The following WWP1 variants were observed in gnomAD, a reference collection of about 807,000 sequenced individuals.
The protein encoded by WWP1 is NEDD4-like E3 ubiquitin-protein ligase WWP1.
Under a neutral mutation model 130.6 loss-of-function variants are expected in WWP1, and 49 were observed. That is an observed-to-expected ratio of 0.38 (90% CI 0.30 to 0.48). The LOEUF is 0.48. Ranked by LOEUF, WWP1 falls within the 20% of genes least tolerant of loss-of-function variation. The pLI, the probability that WWP1 is intolerant of heterozygous loss-of-function variation, is 0.99. For synonymous variants in WWP1, 332 were observed against 367.8 expected (o/e 0.90, Z 1.11); for missense variants, 809 against 1,100.6 (o/e 0.74, Z 3.75).
intron 9 of WWP1, among the ~76,000 whole-genome samples, chr8:86,413,874 C>G (rs1417812123): frequency 6.6e-6 from 1 of 152,126 alleles, no homozygotes; most frequent in African/African-American, 2.4e-5. Context: ...TTATTAAGAT[C>G]ATTTTTGCAG....
At chr8:86,355,158 C>T (rs1172996475) in intron 1 of WWP1, among the ~76,000 whole-genome samples, 1 of 152,118 alleles carries the variant, frequency 6.6e-6, no homozygotes, top group Non-Finnish European at 1.5e-5. Flanking sequence ...TAGGACATCT[C>T]CATGGCTGCT....
chr8:86,389,440 A>G (rs1204490213), intron 5 of WWP1, among the ~76,000 whole-genome samples: 2 of 152,218 alleles, frequency 1.3e-5, no homozygotes, highest in Non-Finnish European at 2.9e-5. Context: ...CTGAGTGGAT[A>G]CAGCACATGT....
At chr8:86,453,720 G>GT (rs1811294840) in intron 21 of WWP1, among the ~76,000 whole-genome samples, 2 of 151,784 alleles carry the variant, frequency 1.3e-5, no homozygotes, top group Non-Finnish European at 2.9e-5. Flanking sequence ...TCTTGTTTTG[G>GT]TTTTTTGCTT....
chr8:86,445,388 AT>A (rs1810807972), intron 18 of WWP1, among the ~76,000 whole-genome samples: 1 of 152,008 alleles, frequency 6.6e-6, no homozygotes, highest in African/African-American at 2.4e-5. Flanking sequence ...TTTCCCATCT[AT>A]TTATGTCCAT....
At chr8:86,362,669 G>A (rs575204716) in intron 1 of WWP1, among the ~76,000 whole-genome samples, 5 of 152,242 alleles carry the variant, frequency 3.3e-5, no homozygotes, top group East Asian at 1.9e-4. Context: ...GGGAGGAGAA[G>A]GGAGGGAAGG....
At chr8:86,442,167 A>G (rs556063353) in intron 17 of WWP1, 1 of 153,002 alleles carries the variant, frequency 6.5e-6, no homozygotes, top group South Asian at 2.1e-4. Context: ...AAAAAAATAC[A>G]TGGCTTTTGC....
intron 1 of WWP1, among the ~76,000 whole-genome samples, chr8:86,355,691 C>T (rs1435185488): frequency 6.6e-6 from 1 of 152,104 alleles, no homozygotes; most frequent in Non-Finnish European, 1.5e-5. Context: ...TGTGCTTATA[C>T]TTTTACACAC....
At chr8:86,381,270 C>T (rs903687450) in intron 4 of WWP1, among the ~76,000 whole-genome samples, 5 of 152,098 alleles carry the variant, frequency 3.3e-5, no homozygotes, top group Admixed American at 2.6e-4. Context: ...GGTGTTTTGG[C>T]TTGCTGATTC....
At chr8:86,459,432 TA>T (rs1811640886) in intron 22 of WWP1, among the ~76,000 whole-genome samples, 1 of 152,190 alleles carries the variant, frequency 6.6e-6, no homozygotes, top group African/African-American at 2.4e-5. Flanking sequence ...AACCAATGTG[TA>T]TAATATGGTG....
chr8:86,401,779 G>T (rs551125537), intron 7 of WWP1, among the ~76,000 whole-genome samples: 5 of 151,998 alleles, frequency 3.3e-5, no homozygotes, highest in Admixed American at 3.3e-4. Context: ...AATACACTTA[G>T]AACTGAAAAG....
At chr8:86,425,655 C>T (rs531670089) in intron 10 of WWP1, among the ~76,000 whole-genome samples, 10 of 152,078 alleles carry the variant, frequency 6.6e-5, no homozygotes, top group Non-Finnish European at 1.3e-4. Flanking sequence ...TATGTTATTT[C>T]ATAAGATTTA....
intron 3 of WWP1, among the ~76,000 whole-genome samples, chr8:86,377,350 G>A (rs1225815404): frequency 6.6e-6 from 1 of 151,272 alleles, no homozygotes; most frequent in Non-Finnish European, 1.5e-5. Context: ...CGCCTGCCTC[G>A]GCCTCCCAGA....
intron 21 of WWP1, among the ~76,000 whole-genome samples, chr8:86,453,387 A>G (rs1811278024): frequency 6.6e-6 from 1 of 152,210 alleles, no homozygotes; most frequent in Non-Finnish European, 1.5e-5. Flanking sequence ...TTTAGACTGA[A>G]TAATACTCCA....
In WWP1 at chr8:86,390,056, G is replaced by A. The variant is rs183699149; in HGVS notation, c.335-8286G>A. Reference sequence around the variant, plus strand: ...CAGAGACACTCCTCAGATCCCAGACGGGGTCGCAGCTGGGCAGAGGCACTC... The same window carrying A: ...CAGAGACACTCCTCAGATCCCAGACAGGGTCGCAGCTGGGCAGAGGCACTC... On this transcript the variant is annotated intron_variant, in intron 5 of 24. Coordinates refer to ENST00000517970, the MANE Select transcript of WWP1 (RefSeq NM_007013.4). 7.2e-4 allele frequency among the ~76,000 whole-genome samples: 110 copies of A among 152,058 alleles called. 1 individual carries two copies. Among genetic ancestry groups the A allele is most frequent in the African/African-American group, 2.5e-3 (105 of 41,512 alleles).
rs1563506690 is a variant in WWP1 at position 86,410,659 on chromosome 8, T to C, written c.725-879T>C. On this transcript the variant is annotated intron_variant, in intron 8 of 24. Coordinates refer to ENST00000517970, the MANE Select transcript of WWP1 (RefSeq NM_007013.4). Reference sequence around the variant, plus strand: ...TATCAGGTGCATTAGGAAATTCTGATCTTTTTTTTGGGTCTTTTGACCAAA... The same window carrying C: ...TATCAGGTGCATTAGGAAATTCTGACCTTTTTTTTGGGTCTTTTGACCAAA... 2.0e-5 allele frequency among the ~76,000 whole-genome samples: 3 copies of C among 151,858 alleles called. No individual in the cohort carries two copies. The East Asian group carries it at 5.8e-4, about 29-fold the overall frequency.
intron 5 of WWP1, among the ~76,000 whole-genome samples, chr8:86,390,919 A>G (rs1807297085): frequency 6.6e-6 from 1 of 152,020 alleles, no homozygotes; most frequent in African/African-American, 2.4e-5. Flanking sequence ...GTTTTCTCGT[A>G]TATTTCATGG....
intron 5 of WWP1, among the ~76,000 whole-genome samples, chr8:86,392,400 G>T (rs1042214422): frequency 2.0e-5 from 3 of 152,120 alleles, no homozygotes; most frequent in African/African-American, 7.2e-5. Context: ...ATTCCAGAGA[G>T]GAGTGAGATG....
Position 86,452,633 on chromosome 8 carries a change from T to C in WWP1, c.2348T>C (p.Val783Ala). 1 of 1,613,456 alleles carries C rather than the reference T, an allele frequency of 6.2e-7. No homozygotes were observed. The highest frequency in any genetic ancestry group is 1.3e-5 in the African/African-American group (1 of 75,014). Residue 783 changes from valine (V) to alanine (A), a missense_variant, in exon 21 of 25, where the codon GTT (valine) becomes GCT (alanine). This residue lies in a region of WWP1 where 450 missense variants were observed against 674.2 expected (regional missense o/e 0.67). Coordinates refer to ENST00000517970, the MANE Select transcript of WWP1 (RefSeq NM_007013.4). ...GCTTTCCTTGATGGTTTTAATGAAG[T>C]TGTTCCTCTTCAGTGGCTACAGTAC... is the stretch of plus-strand genomic sequence containing the variant. ...TKAFLDGFNE[V>A]VPLQWLQYFD... is the part of the protein sequence containing the mutation.
chr8:86,356,506 A>T (rs978722001), intron 1 of WWP1, among the ~76,000 whole-genome samples: 13 of 151,716 alleles, frequency 8.6e-5, no homozygotes, highest in South Asian at 2.1e-4. Context: ...ATAATATTGT[A>T]TAACAAACTG....
Sources: allele counts gnomAD v4.1 joint callset (sites outside exome capture counted in the v4.1 genomes callset), GRCh38; gene constraint gnomAD v4.1.1; regional missense constraint gnomAD v4.1.1; transcripts MANE v1.5; gene names NCBI Gene and HGNC (gene_info 2026-07-23, HGNC 2026-07-21).